The following WTIP variants were observed in gnomAD, a reference collection of about 807,000 sequenced individuals.
WTIP encodes the protein Wilms tumor protein 1-interacting protein.
Under a neutral mutation model 41.7 loss-of-function variants are expected in WTIP, and 23 were observed. The ratio of observed to expected loss-of-function variants is 0.55; its 90% confidence interval spans 0.40 to 0.78. The LOEUF (loss-of-function observed/expected upper bound fraction) is 0.78, where lower values mean the gene tolerates loss of function less well. Among genes scored for constraint, WTIP ranks in the 30% least tolerant of loss-of-function variants. The pLI, the probability that WTIP is intolerant of heterozygous loss-of-function variation, is 0.00. For missense variants in WTIP, 619 were observed against 610.5 expected (o/e 1.01, Z -0.15); for synonymous variants, 314 against 269.9 (o/e 1.16, Z -1.60).
At chr19:34,498,117 C>G (rs576261829) in intron 7 of WTIP, among the ~76,000 whole-genome samples, 1 of 152,294 alleles carries the variant, frequency 6.6e-6, no homozygotes, top group East Asian at 1.9e-4. Flanking sequence ...TGTGGTGTCA[C>G]TGCAGCAGCC....
At position 34,493,369 on chromosome 19, in the gene WTIP, G is replaced by A; in HGVS notation, c.900+44G>A. 6.3e-7 allele frequency: 1 copy of A among 1,598,118 alleles called. No individual in the cohort carries two copies. The highest frequency in any genetic ancestry group is 8.5e-7 in the Non-Finnish European group (1 of 1,172,222). On this transcript the variant is annotated intron_variant, in intron 4 of 7. Coordinates refer to ENST00000590071, the MANE Select transcript of WTIP (RefSeq NM_001080436.2). The surrounding 1 kb of genome is among the most constrained non-coding windows in gnomAD (Gnocchi z 4.1). ...CTCCTGGAGCCCCTCTGACGTGGGT[G>A]GAGTCTGAGGACTCTACCGTCTCCC...
At position 34,502,387 on chromosome 19, in the gene WTIP, C is replaced by T. The variant is rs1288448775; in HGVS notation, c.*2118C>T. The T allele has an allele frequency of 6.7e-6, 1 of 149,662 alleles. No homozygotes were observed. The highest frequency in any genetic ancestry group is 1.5e-5 in the Non-Finnish European group (1 of 67,862). 9.3% of individuals were successfully genotyped at this position (149,662 alleles called of 1,614,324 possible). A position where few individuals can be genotyped will look rare whatever the true frequency, so the allele number is the denominator to read the frequency against. On this transcript the variant is annotated 3_prime_UTR_variant, in exon 8 of 8. Coordinates refer to ENST00000590071, the MANE Select transcript of WTIP (RefSeq NM_001080436.2). ...TCTCATGCCTCAGCCTCCCCAGTAG[C>T]TGAGACTACAGGTGTGCCCCATGAC...
intron 6 of WTIP, 77 bp from the exon 7 acceptor site, chr19:34,495,626 T>C: frequency 6.6e-7 from 1 of 1,517,668 alleles, no homozygotes; most frequent in Non-Finnish European, 9.1e-7. Flanking sequence ...GAGCGTGGTG[T>C]GTGGGAGTGT....
At chr19:34,499,312 C>G (rs962538931) in intron 7 of WTIP, among the ~76,000 whole-genome samples, 1 of 151,900 alleles carries the variant, frequency 6.6e-6, no homozygotes. Context: ...GAGTTCTAGA[C>G]CAGCCTGAGC....
Position 34,510,136 on chromosome 19 carries a change from CTG to C in WTIP, c.*9871_*9872del, listed in dbSNP as rs745768182. On this transcript the variant is annotated 3_prime_UTR_variant, in exon 8 of 8. Transcript: ENST00000590071. ...ACTAGGCAGTACCCCAGTAGGGATA[CTG>C]TGTTTGGGCTCTGACCCCACATTTC... The C allele has an allele frequency of 3.9e-5, 6 of 152,330 alleles. No homozygotes were observed. The South Asian group carries it at 6.2e-4, about 16-fold the overall frequency. 9.4% of individuals were successfully genotyped at this position (152,330 alleles called of 1,614,324 possible). A position where few individuals can be genotyped will look rare whatever the true frequency, so the allele number is the denominator to read the frequency against.
At chr19:34,490,539 C>A in intron 2 of WTIP, 62 bp downstream of exon 2, 1 of 1,497,038 alleles carries the variant, frequency 6.7e-7, no homozygotes, top group Non-Finnish European at 9.3e-7. Context: ...TCCCCATTCC[C>A]CTCAAACTGC....
intron 1 of WTIP, among the ~76,000 whole-genome samples, 179 bp from the exon 2 acceptor site, chr19:34,490,197 C>G (rs904099581): frequency 6.6e-5 from 10 of 152,180 alleles, no homozygotes; most frequent in Non-Finnish European, 1.3e-4. Context: ...CAGCGGCAAT[C>G]CCTGGGTCGT....
At chr19:34,495,017 C>T (rs2075845570) in intron 6 of WTIP, among the ~76,000 whole-genome samples, 2 of 152,250 alleles carry the variant, frequency 1.3e-5, no homozygotes, top group Non-Finnish European at 1.5e-5. Flanking sequence ...CTCTCCTGGC[C>T]TGGGGTCTTC....
chr19:34,496,831 T>A (rs2075856576), intron 7 of WTIP, among the ~76,000 whole-genome samples: 1 of 152,044 alleles, frequency 6.6e-6, no homozygotes, highest in East Asian at 1.9e-4. Flanking sequence ...GCTGTGGGAA[T>A]TTGGGGTCAC....
intron 7 of WTIP, among the ~76,000 whole-genome samples, chr19:34,497,011 C>T (rs988008525): frequency 1.3e-5 from 2 of 152,130 alleles, no homozygotes; most frequent in South Asian, 2.1e-4. Flanking sequence ...TACAGGCACC[C>T]ACCACCACAC....
intron 1 of WTIP, among the ~76,000 whole-genome samples, chr19:34,486,043 C>T (rs554891766): frequency 1.3e-5 from 2 of 152,322 alleles, no homozygotes; most frequent in South Asian, 2.1e-4. Context: ...AGCCAGCCAA[C>T]AGCCTTGGGC....
intron 1 of WTIP, 27 bp downstream of exon 1, chr19:34,482,668 C>A: frequency 8.2e-7 from 1 of 1,225,446 alleles, no homozygotes; most frequent in South Asian, 4.2e-5. Flanking sequence ...CGGCAGTTCC[C>A]TGCGCGCATG....
At chr19:34,489,411 C>T (rs1003815657) in intron 1 of WTIP, among the ~76,000 whole-genome samples, 1 of 151,882 alleles carries the variant, frequency 6.6e-6, no homozygotes, top group African/African-American at 2.4e-5. Flanking sequence ...TGGACCCTGG[C>T]ATACAGAGGA....
In WTIP at chr19:34,482,157, C is replaced by T; in HGVS notation, c.183C>T (p.Ala61=). The T allele has an allele frequency of 9.3e-7, 1 of 1,073,698 alleles. No individual in the cohort carries two copies. The highest frequency in any genetic ancestry group is 1.1e-6 in the Non-Finnish European group (1 of 888,840). 66.5% of individuals were successfully genotyped at this position (1,073,698 alleles called of 1,614,324 possible). A position where few individuals can be genotyped will look rare whatever the true frequency, so the allele number is the denominator to read the frequency against. ...GGAAGGGCAGCGGCGGCCCCGAGGC[C>T]GGGGCGGACGGACTGAGCCGCGGGG... ...RRGKGSGGPE[A]GADGLSRGER... The change falls in exon 1 of 8, where the codon GCC becomes GCT. Residue 61 remains alanine (A), a synonymous_variant. Transcript: ENST00000590071.
chr19:34,485,668 A>G (rs906054732), intron 1 of WTIP, among the ~76,000 whole-genome samples: 1 of 151,480 alleles, frequency 6.6e-6, no homozygotes, highest in African/African-American at 2.4e-5. Context: ...ATCAGCGCTC[A>G]TTGCAGCCTT....
At chr19:34,492,704 A>G (rs2145601733) in intron 2 of WTIP, among the ~76,000 whole-genome samples, 1 of 151,850 alleles carries the variant, frequency 6.6e-6, no homozygotes, top group Non-Finnish European at 1.5e-5. Flanking sequence ...AAAAAAAAAA[A>G]AAAGATTCAT....
At chr19:34,498,879 G>A (rs770043515) in intron 7 of WTIP, among the ~76,000 whole-genome samples, 2 of 150,032 alleles carry the variant, frequency 1.3e-5, no homozygotes, top group Admixed American at 6.7e-5. Context: ...CAGTCTGGGC[G>A]AGACTCTGTC....
intron 2 of WTIP, among the ~76,000 whole-genome samples, chr19:34,490,736 C>T (rs1267275431): frequency 6.6e-6 from 1 of 152,256 alleles, no homozygotes. Flanking sequence ...TCATGTCACC[C>T]AGCTGCCTGG....
chr19:34,490,338 G>A (rs764573486), intron 1 of WTIP, 38 bp from the exon 2 acceptor site: 10 of 1,600,878 alleles, frequency 6.2e-6, no homozygotes, highest in Admixed American at 3.3e-5. Context: ...ATAGGCTGTG[G>A]CGCTAACCCC....
Sources: allele counts gnomAD v4.1 joint callset (sites outside exome capture counted in the v4.1 genomes callset), GRCh38; gene constraint gnomAD v4.1.1; non-coding constraint Gnocchi (gnomAD v3.1); transcripts MANE v1.5; gene names NCBI Gene and HGNC (gene_info 2026-07-23, HGNC 2026-07-21).